Variants in ITFG2 observed in about 807,000 individuals in gnomAD.
ITFG2 encodes the protein KICSTOR complex protein ITFG2.
A neutral mutation model predicts 54.4 loss-of-function variants in ITFG2; 36 were observed. The observed-to-expected ratio is 0.66, with a 90% CI of 0.51 to 0.87. The LOEUF (loss-of-function observed/expected upper bound fraction) is 0.87, where lower values mean the gene tolerates loss of function less well. Ranked by LOEUF, ITFG2 falls within the 40% of genes least tolerant of loss-of-function variation. The probability of loss-of-function intolerance (pLI) is 0.00; values close to 1 mark genes in which losing one functional copy is unlikely to be tolerated. For missense variants in ITFG2, 524 were observed against 576.7 expected, an observed-to-expected ratio of 0.91 and a Z score of 0.94; for synonymous variants, 211 against 225.4, an observed-to-expected ratio of 0.94 and a Z score of 0.57.
chr12:2,828,521 G>C (rs1429929175), downstream of ITFG2: 1 of 875,472 alleles, frequency 1.1e-6, no homozygotes, highest in African/African-American at 1.7e-5. Flanking sequence ...GAAATGAGTG[G>C]AGAAAATGAA....
chr12:2,857,054 C>T (rs1055993073), intron 2 of ITFG2: 24 of 702,830 alleles, frequency 3.4e-5, no homozygotes, highest in South Asian at 1.2e-4. Flanking sequence ...CCAGGAGGGG[C>T]GGCTTTGTGG....
intron 6 of ITFG2, 147 bp from the exon 7 acceptor site, chr12:2,821,115 T>G: frequency 1.3e-6 from 1 of 745,076 alleles, no homozygotes; most frequent in South Asian, 1.9e-5. Flanking sequence ...CTGTCTTTTC[T>G]GTTTGCCACA....
At chr12:2,818,569 G>A in intron 4 of ITFG2, 1 of 448,148 alleles carries the variant, frequency 2.2e-6, no homozygotes, top group Non-Finnish European at 4.1e-6. Context: ...AGGCTGAGAT[G>A]GGAGGATCAC....
At position 2,813,979 on chromosome 12, in the gene ITFG2, T is replaced by G. The variant is rs535882757; in HGVS notation, c.96+1123T>G. ...TTTTTATAGAGACAGGGTCTCACTC[T>G]GTTGCCCAGGCTGGAGTGCAGTGGT... On this transcript the variant is annotated intron_variant, in intron 1 of 11. Coordinates refer to ENST00000228799, the MANE Select transcript of ITFG2 (RefSeq NM_018463.4). 2.0e-5 allele frequency among the ~76,000 whole-genome samples: 3 copies of G among 152,374 alleles called. No individual in the cohort carries two copies. The East Asian group carries it at 5.8e-4, about 29-fold the overall frequency.
chr12:2,841,178 G>A (rs2098040201), intron 2 of ITFG2, among the ~76,000 whole-genome samples: 1 of 152,204 alleles, frequency 6.6e-6, no homozygotes, highest in African/African-American at 2.4e-5. Flanking sequence ...GGAGAGAATA[G>A]GGTTAACTTG....
At position 2,818,276 on chromosome 12, in the gene ITFG2, C is replaced by T. The variant is rs374998892; in HGVS notation, c.405C>T (p.Ile135=). 17 of 1,612,204 alleles carry T rather than the reference C, an allele frequency of 1.1e-5. No individual in the cohort carries two copies. In the African/African-American group the frequency reaches 1.6e-4, roughly 15 times the overall value. Residue 135 remains isoleucine, a splice_region_variant and synonymous_variant, in exon 4 of 12, where the codon ATC becomes ATT. Coordinates refer to ENST00000228799, the MANE Select transcript of ITFG2 (RefSeq NM_018463.4). ...CCAAGGTCATGCTGATCAGCGACATCGGTGGGCATGCCTACCTTTGCAGGC... is the reference window on the plus strand; with the variant it reads ...CCAAGGTCATGCTGATCAGCGACATTGGTGGGCATGCCTACCTTTGCAGGC... ...ANTKVMLISD[I]DGDGCRELVV...
At chr12:2,834,639 CA>C, upstream of ITFG2, 1 of 1,583,956 alleles carries the variant, frequency 6.3e-7, no homozygotes, top group South Asian at 1.1e-5. Flanking sequence ...GGTGATGCCT[CA>C]CCAAGTCCTT....
chr12:2,835,399 A>T (rs893668591), upstream of ITFG2: 1 of 203,002 alleles, frequency 4.9e-6, no homozygotes, highest in Non-Finnish European at 9.0e-6. Context: ...TCTGCAGCCC[A>T]GGGCTGGCGC....
intron 2 of ITFG2, among the ~76,000 whole-genome samples, chr12:2,856,245 G>C (rs887892204): frequency 1.3e-5 from 2 of 152,306 alleles, no homozygotes; most frequent in South Asian, 2.1e-4. Context: ...TAAGCCCTCT[G>C]TCTGTGCTCT....
intron 1 of ITFG2, among the ~76,000 whole-genome samples, chr12:2,838,241 C>T (rs2098033188): frequency 1.3e-5 from 2 of 152,148 alleles, no homozygotes; most frequent in African/African-American, 4.8e-5. Flanking sequence ...TGGGCAGGCC[C>T]CAAGCTGAAA....
intron 3 of ITFG2, chr12:2,859,206 A>C (rs1236534922): frequency 6.2e-7 from 1 of 1,611,710 alleles, no homozygotes; most frequent in East Asian, 2.2e-5. Context: ...TGGGAACGGG[A>C]GCTCTGCGGC....
upstream of ITFG2, chr12:2,834,831 C>T (rs749874611): frequency 1.1e-5 from 17 of 1,613,630 alleles, no homozygotes; most frequent in Non-Finnish European, 1.4e-5. Context: ...GCTTGGTGCT[C>T]ATGGCCCCTG....
At chr12:2,849,423 G>T (rs1177806113) in intron 2 of ITFG2, 2 of 1,536,190 alleles carry the variant, frequency 1.3e-6, no homozygotes, top group Non-Finnish European at 1.7e-6. Flanking sequence ...GAGGCAGAGG[G>T]TTTGGGCAGG....
At chr12:2,842,124 T>TC (rs1361550431) in intron 2 of ITFG2, among the ~76,000 whole-genome samples, 3 of 138,582 alleles carry the variant, frequency 2.2e-5, no homozygotes, top group African/African-American at 5.4e-5. Flanking sequence ...TTGTTTCTTT[T>TC]TTTTTTTTTT....
intron 2 of ITFG2, among the ~76,000 whole-genome samples, chr12:2,851,174 A>ATT (rs1194596874): frequency 6.6e-6 from 1 of 151,630 alleles, no homozygotes; most frequent in Non-Finnish European, 1.5e-5. Flanking sequence ...AAAAAAAAAA[A>ATT]TTAAAGATTT....
chr12:2,828,070 A>T (rs765136660), downstream of ITFG2: 4 of 1,594,276 alleles, frequency 2.5e-6, no homozygotes, highest in African/African-American at 4.0e-5. Flanking sequence ...AGCAAGGGTT[A>T]TGGCTACCAC....
chr12:2,816,728 A>G (rs2153923702), intron 1 of ITFG2, among the ~76,000 whole-genome samples: 1 of 137,098 alleles, frequency 7.3e-6, no homozygotes, highest in African/African-American at 2.8e-5. Context: ...TGCAACCTCT[A>G]CCTCCCAGGC....
chr12:2,846,992 A>G (rs537620701), intron 2 of ITFG2, among the ~76,000 whole-genome samples: 6 of 152,218 alleles, frequency 3.9e-5, no homozygotes, highest in South Asian at 2.1e-4. Flanking sequence ...CACTACCCCT[A>G]TCTAGTTCAA....
chr12:2,833,287 G>A (rs1012488386), upstream of ITFG2, among the ~76,000 whole-genome samples: 24 of 152,068 alleles, frequency 1.6e-4, no homozygotes, highest in Admixed American at 7.2e-4. Context: ...ATTGAGAGCC[G>A]AAGAACCCGC....
Sources: gnomAD v4.1 joint callset for allele counts (sites outside exome capture counted in the v4.1 genomes callset) on GRCh38, gnomAD v4.1.1 for gene constraint, MANE v1.5 for transcripts, NCBI Gene and HGNC (gene_info 2026-07-23, HGNC 2026-07-21) for gene names.